The following TRIM49B variants were observed in gnomAD, a reference collection of about 807,000 sequenced individuals.
TRIM49B encodes the protein putative tripartite motif-containing protein 49B.
Under a neutral mutation model 31.8 loss-of-function variants are expected in TRIM49B, and 18 were observed. That is an observed-to-expected ratio of 0.57 (90% confidence interval 0.39 to 0.84). The LOEUF (loss-of-function observed/expected upper bound fraction) is 0.84. TRIM49B is among the 40% of genes least tolerant of loss of function. The pLI is 0.00. For synonymous variants in TRIM49B, 196 were observed against 180.6 expected, an observed-to-expected ratio of 1.09 and a Z score of -0.68; for missense variants, 494 against 538.7, an observed-to-expected ratio of 0.92 and a Z score of 0.82.
chr11:49,034,774 T>G (rs1431762280), intron 4 of TRIM49B, among the ~76,000 whole-genome samples: 1 of 152,204 alleles, frequency 6.6e-6, no homozygotes, highest in Non-Finnish European at 1.5e-5. Flanking sequence ...TGGGGTCCAC[T>G]CATTTGGGTA....
chr11:49,032,511 T>G, intron 3 of TRIM49B, 140 bp downstream of exon 3: 1 of 1,486,144 alleles, frequency 6.7e-7, no homozygotes, highest in Non-Finnish European at 8.9e-7. Flanking sequence ...GAGAAAACAT[T>G]GAGAAAAAGT....
intron 6 of TRIM49B, 34 bp from the exon 7 acceptor site, chr11:49,037,444 A>G (rs1366978609): frequency 2.5e-6 from 4 of 1,575,748 alleles, no homozygotes; most frequent in Non-Finnish European, 3.4e-6. Context: ...TTTCTTATTT[A>G]CACGTCTATG....
Position 49,034,268 on chromosome 11 carries a change from T to C in TRIM49B, c.630T>C (p.His210=), listed in dbSNP as rs1326132618. The part of the protein sequence containing the change: ...MLKKKGKDIF[H]RLHLSKAKMA... ...AAAAGAAGGGGAAAGATATTTTTCA[T>C]CGACTTCATTTAAGTAAAGCCAAAA... Residue 210 remains histidine (H), a synonymous_variant, in exon 4 of 7, where the codon CAT becomes CAC. Transcript: ENST00000332682. 2.5e-6 allele frequency: 4 copies of C among 1,611,858 alleles called. No individual in the cohort carries two copies. The highest frequency in any genetic ancestry group is 4.5e-5 in the East Asian group (2 of 44,882).
In TRIM49B at chr11:49,037,895, A is replaced by G; in HGVS notation, c.1277A>G (p.Asn426Ser). The change falls in exon 7 of 7, where the codon AAT becomes AGT. Residue 426 changes from asparagine (N) to serine (S), a missense_variant. Physicochemically the swap from Asn to Ser is conservative, Grantham distance 46 (BLOSUM62 1). Around this residue, in one of 3 missense-constraint regions of TRIM49B, gnomAD observed 233 missense variants for 281.4 expected, o/e 0.83. Transcript: ENST00000332682. ...EAKTVSFVDV[N>S]QSSLIYTIPN... ...AAGACTGTGAGCTTTGTTGATGTTA[A>G]TCAAAGCTCCCTAATATACACCATC... The G allele has an allele frequency of 6.2e-7, 1 of 1,613,792 alleles. No individual in the cohort carries two copies. Among genetic ancestry groups the G allele is most frequent in the Non-Finnish European group, 8.5e-7 (1 of 1,179,814 alleles).
intron 1 of TRIM49B, among the ~76,000 whole-genome samples, chr11:49,029,196 C>A (rs1311169783): frequency 6.6e-6 from 1 of 151,890 alleles, no homozygotes; most frequent in Non-Finnish European, 1.5e-5. Flanking sequence ...GTGTTTGCTG[C>A]AACAGATATG....
Position 49,031,650 on chromosome 11 carries a change from C to T in TRIM49B, c.51C>T (p.Ile17=), listed in dbSNP as rs1426767852. ...QVFQRELICP[I]CMNYFIDPVT... Reference sequence around the variant, plus strand: ...TTCAGAGGGAACTCATCTGCCCCATCTGCATGAACTACTTCATAGACCCGG... The same window carrying T: ...TTCAGAGGGAACTCATCTGCCCCATTTGCATGAACTACTTCATAGACCCGG... Residue 17 remains isoleucine, a synonymous_variant, in exon 2 of 7, where the codon ATC becomes ATT. Coordinates refer to ENST00000332682, the MANE Select transcript of TRIM49B (RefSeq NM_001206626.2). 6.2e-7 allele frequency: 1 copy of T among 1,613,980 alleles called. No homozygotes were observed. The highest frequency in any genetic ancestry group is 2.2e-5 in the East Asian group (1 of 44,882).
chr11:49,031,659 C>T lies in TRIM49B; in HGVS notation c.60C>T (p.Asn20=), dbSNP rs752106109. The change falls in exon 2 of 7, where the codon AAC becomes AAT. Residue 20 remains asparagine, a synonymous_variant. Coordinates refer to ENST00000332682, the MANE Select transcript of TRIM49B (RefSeq NM_001206626.2). ...AACTCATCTGCCCCATCTGCATGAACTACTTCATAGACCCGGTCACCATAG... is the reference window on the plus strand; with the variant it reads ...AACTCATCTGCCCCATCTGCATGAATTACTTCATAGACCCGGTCACCATAG... ...QRELICPICM[N]YFIDPVTIDC... 15 of 1,614,002 alleles carry T rather than the reference C, an allele frequency of 9.3e-6. No homozygotes were observed. Among genetic ancestry groups the T allele is most frequent in the Non-Finnish European group, 1.3e-5 (15 of 1,179,880 alleles).
chr11:49,035,808 T>C (rs1854522054), intron 5 of TRIM49B, among the ~76,000 whole-genome samples: 1 of 152,148 alleles, frequency 6.6e-6, no homozygotes, highest in Admixed American at 6.5e-5. Context: ...TTTTTATACA[T>C]ATATACATAT....
intron 1 of TRIM49B, among the ~76,000 whole-genome samples, chr11:49,029,418 G>A (rs1449079298): frequency 6.6e-6 from 1 of 152,170 alleles, no homozygotes; most frequent in Non-Finnish European, 1.5e-5. Flanking sequence ...CTAAAACAAT[G>A]AGAAAGCTCC....
intron 1 of TRIM49B, among the ~76,000 whole-genome samples, chr11:49,031,371 C>G (rs1370714034): frequency 6.6e-6 from 1 of 152,128 alleles, no homozygotes; most frequent in African/African-American, 2.4e-5. Context: ...CAGACAGGAA[C>G]TAGGAGTAGA....
Position 49,035,339 on chromosome 11 carries a change from A to ATT in TRIM49B, c.761+259_761+260dup, listed in dbSNP as rs1162056301. Among the ~76,000 whole-genome samples, 39 of 56,808 alleles carry ATT rather than the reference A, an allele frequency of 6.9e-4. 5 individuals are homozygous for ATT. The highest frequency in any genetic ancestry group is 2.5e-3 in the East Asian group (4 of 1,584). 37.3% of individuals were successfully genotyped at this position (56,808 alleles called of 152,430 possible). On this transcript the variant is annotated intron_variant, in intron 5 of 6. Transcript: ENST00000332682. The stretch of plus-strand genomic sequence containing the variant: ...ACTAAAACAAACAATTTGATTCCTG[A>ATT]TTTTTTTTTTTTTTTTTTTTTTTTT...
chr11:49,033,415 T>C (rs1854478758), intron 3 of TRIM49B, among the ~76,000 whole-genome samples: 2 of 152,136 alleles, frequency 1.3e-5, no homozygotes, highest in African/African-American at 4.8e-5. Context: ...TGTGTGGATA[T>C]ATATGTGGAC....
At chr11:49,032,679 G>A (rs1296521720) in intron 3 of TRIM49B, among the ~76,000 whole-genome samples, 2 of 151,868 alleles carry the variant, frequency 1.3e-5, no homozygotes, top group Non-Finnish European at 2.9e-5. Context: ...TATATTTGCT[G>A]GTTGGATAAA....
At position 49,031,621 on chromosome 11, in the gene TRIM49B, G is replaced by A. The variant is rs770300895; in HGVS notation, c.22G>A (p.Val8Ile). MNSGILQVFQRELICPIC... is the reference protein window; with the variant it reads MNSGILQIFQRELICPIC... ...AAACATGAATTCTGGAATCTTACAG[G>A]TCTTTCAGAGGGAACTCATCTGCCC... is the stretch of plus-strand genomic sequence containing the variant. The change falls in exon 2 of 7, where the codon GTC becomes ATC. Residue 8 changes from valine (V) to isoleucine (I), a missense_variant. Coordinates refer to ENST00000332682, the MANE Select transcript of TRIM49B (RefSeq NM_001206626.2). The A allele has an allele frequency of 6.2e-7, 1 of 1,613,860 alleles. No homozygotes were observed. The highest frequency in any genetic ancestry group is 1.1e-5 in the South Asian group (1 of 91,054).
chr11:49,037,511 G>A lies in TRIM49B; in HGVS notation c.893G>A (p.Ser298Asn), dbSNP rs1457533402. 6.2e-7 allele frequency: 1 copy of A among 1,614,122 alleles called. No individual in the cohort carries two copies. The highest frequency in any genetic ancestry group is 1.7e-5 in the Admixed American group (1 of 59,992). ...HITLHHEEAN[S>N]DIFLCEILRS... ...ACTCTGCATCATGAAGAAGCCAACA[G>A]TGATATCTTTCTATGTGAAATTTTG... The change falls in exon 7 of 7, where the codon AGT becomes AAT. Residue 298 changes from serine to asparagine, a missense_variant. Physicochemically the swap from Ser to Asn is conservative, Grantham distance 46 (BLOSUM62 1). Transcript: ENST00000332682.
chr11:49,037,939 C>A lies in TRIM49B; in HGVS notation c.1321C>A (p.Pro441Thr), dbSNP rs1332866451. The part of the protein sequence containing the change: ...IYTIPNCSFS[P>T]PLRPIFCCIH... ...CACCATCCCTAATTGCTCTTTCTCA[C>A]CTCCTCTCAGGCCTATCTTTTGCTG... Residue 441 changes from proline (P) to threonine (T), a missense_variant, in exon 7 of 7, where the codon CCT becomes ACT. Around this residue, in one of 3 missense-constraint regions of TRIM49B, gnomAD observed 233 missense variants for 281.4 expected, o/e 0.83. Coordinates refer to ENST00000332682, the MANE Select transcript of TRIM49B (RefSeq NM_001206626.2). The A allele has an allele frequency of 6.2e-7, 1 of 1,612,694 alleles. No homozygotes were observed. Among genetic ancestry groups the A allele is most frequent in the Non-Finnish European group, 8.5e-7 (1 of 1,179,480 alleles).
chr11:49,035,446 G>A (rs1283748344), intron 5 of TRIM49B, among the ~76,000 whole-genome samples: 4 of 134,040 alleles, frequency 3.0e-5, no homozygotes, highest in African/African-American at 1.1e-4. Flanking sequence ...TGCAAGCTCC[G>A]CCTCCCGGGT....
At chr11:49,037,431 T>C (rs1340750588) in intron 6 of TRIM49B, 47 bp from the exon 7 acceptor site, 1 of 1,549,092 alleles carries the variant, frequency 6.5e-7, no homozygotes, top group South Asian at 1.2e-5. Flanking sequence ...AGACAATTAT[T>C]TTTTTCTTAT....
In TRIM49B at chr11:49,037,422, G is replaced by A; in HGVS notation, c.860-56G>A. On this transcript the variant is annotated intron_variant, in intron 6 of 6. Transcript: ENST00000332682. ...TTGCTGGTAAAGTAACTTCTTGATA[G>A]ACAATTATTTTTTTCTTATTTACAC... 1.1e-5 allele frequency: 17 copies of A among 1,531,486 alleles called. 1 individual carries two copies. The South Asian group carries it at 1.9e-4, about 17-fold the overall frequency. The allele number at this position is 1,531,486 out of a possible 1,614,324, so 94.9% of individuals were successfully genotyped here. A position where few individuals can be genotyped will look rare whatever the true frequency, so the allele number is the denominator to read the frequency against.
Sources: gnomAD v4.1 joint callset for allele counts (sites outside exome capture counted in the v4.1 genomes callset) on GRCh38, gnomAD v4.1.1 for gene constraint, gnomAD v4.1.1 regional missense constraint, MANE v1.5 for transcripts, NCBI Gene and HGNC (gene_info 2026-07-23, HGNC 2026-07-21) for gene names.